The following MARCHF1 variants were observed in gnomAD, a reference collection of about 807,000 sequenced individuals.
MARCHF1 encodes the protein E3 ubiquitin-protein ligase MARCHF1.
In MARCHF1, 40 loss-of-function variants were observed where a neutral mutation model predicts 54.2. The observed-to-expected ratio is 0.74, with a 90% CI of 0.57 to 0.96. MARCHF1 has a LOEUF of 0.96. Ranked by LOEUF, MARCHF1 falls within the 40% of genes least tolerant of loss-of-function variation. The pLI is 0.00. For missense variants in MARCHF1, 586 were observed against 656.5 expected, an observed-to-expected ratio of 0.89 and a Z score of 1.17; for synonymous variants, 236 against 236.3, an observed-to-expected ratio of 1.00 and a Z score of 0.01.
At chr4:163,543,381 A>G (rs1293888111) in intron 9 of MARCHF1, among the ~76,000 whole-genome samples, 1 of 151,516 alleles carries the variant, frequency 6.6e-6, no homozygotes, top group Non-Finnish European at 1.5e-5. Context: ...GAGGAAGGAG[A>G]TCAGAGTGAA....
rs189710547 is a variant in MARCHF1, at chr4:164,106,983, C to T, written c.-248+4605G>A. 2.5e-3 allele frequency among the ~76,000 whole-genome samples: 374 copies of T among 152,172 alleles called. 2 individuals carry two copies. Among genetic ancestry groups the T allele is most frequent in the African/African-American group, 8.1e-3 (335 of 41,538 alleles). The stretch of plus-strand genomic sequence containing the variant: ...AGATCTTTGCTATAGTTTACAAAGT[C>T]GTATTGAGGATACAGGCTATTATGT... On this transcript the variant is annotated intron_variant, in intron 2 of 9. Coordinates refer to ENST00000514618, the MANE Select transcript of MARCHF1 (RefSeq NM_001394959.1).
At chr4:164,041,868 C>A (rs1352060624) in intron 2 of MARCHF1, among the ~76,000 whole-genome samples, 1 of 152,076 alleles carries the variant, frequency 6.6e-6, no homozygotes, top group Non-Finnish European at 1.5e-5. Context: ...TTGTAGCTAT[C>A]ATAGAACACT....
chr4:163,549,680 A>AT (rs34896630), intron 8 of MARCHF1, among the ~76,000 whole-genome samples: 1,977 of 144,628 alleles, frequency 0.014, 38 homozygotes, highest in South Asian at 0.043. Flanking sequence ...CTTGCTTTTG[A>AT]TTTTTTTTTT....
intron 4 of MARCHF1, among the ~76,000 whole-genome samples, chr4:163,739,418 T>G (rs1019674875): frequency 1.6e-4 from 25 of 152,336 alleles, no homozygotes; most frequent in African/African-American, 5.0e-4. Context: ...AAATTCAGTA[T>G]GATGAAAACG....
chr4:164,085,662 A>G (rs1393210102), intron 2 of MARCHF1, among the ~76,000 whole-genome samples: 1 of 151,848 alleles, frequency 6.6e-6, no homozygotes, highest in East Asian at 1.9e-4. Context: ...GTTTTTGTGC[A>G]TTATAAATAA....
Position 163,762,506 on chromosome 4 carries a change from C to T in MARCHF1, c.112-61643G>A, listed in dbSNP as rs533119030. The stretch of plus-strand genomic sequence containing the variant: ...TTTCCTTCAAAATGTCCTGATTGTC[C>T]AAATTCCTTTGTGTACACAAAGAGT... On this transcript the variant is annotated intron_variant, in intron 4 of 9. Transcript: ENST00000514618. 2.4e-3 allele frequency among the ~76,000 whole-genome samples: 362 copies of T among 152,050 alleles called. 4 individuals are homozygous for T. The highest frequency in any genetic ancestry group is 8.3e-3 in the African/African-American group (344 of 41,488).
chr4:163,586,638 C>G (rs544872422), intron 7 of MARCHF1, among the ~76,000 whole-genome samples: 37 of 152,306 alleles, frequency 2.4e-4, no homozygotes, highest in Admixed American at 5.9e-4. Flanking sequence ...ATTTTAATAG[C>G]ACCACTATCG....
chr4:163,928,381 G>C (rs190905505), intron 3 of MARCHF1, among the ~76,000 whole-genome samples: 137 of 152,068 alleles, frequency 9.0e-4, no homozygotes, highest in South Asian at 1.2e-3. Context: ...CAAGAGGACA[G>C]GCAATCAGAC....
At chr4:163,752,900 A>G (rs757976945) in intron 4 of MARCHF1, among the ~76,000 whole-genome samples, 9 of 152,170 alleles carry the variant, frequency 5.9e-5, no homozygotes, top group Non-Finnish European at 1.3e-4. Flanking sequence ...CTGCTAGGGA[A>G]AATTTAAATT....
At chr4:164,179,736 A>G (rs1366955630) in intron 1 of MARCHF1, among the ~76,000 whole-genome samples, 1 of 151,962 alleles carries the variant, frequency 6.6e-6, no homozygotes, top group Non-Finnish European at 1.5e-5. Context: ...TCTCATTTGT[A>G]GTTAATTACT....
At chr4:163,657,245 A>G (rs1447403081) in intron 5 of MARCHF1, among the ~76,000 whole-genome samples, 3 of 152,032 alleles carry the variant, frequency 2.0e-5, no homozygotes, top group Non-Finnish European at 4.4e-5. Context: ...AAAAGTCACA[A>G]CCATTACTAT....
intron 4 of MARCHF1, among the ~76,000 whole-genome samples, chr4:163,820,489 T>C (rs1305998912): frequency 6.6e-6 from 1 of 152,074 alleles, no homozygotes; most frequent in African/African-American, 2.4e-5. Flanking sequence ...GATTCAATGA[T>C]GTACTCATAC....
At chr4:163,632,223 T>C (rs940450898) in intron 5 of MARCHF1, among the ~76,000 whole-genome samples, 1 of 152,140 alleles carries the variant, frequency 6.6e-6, no homozygotes, top group Non-Finnish European at 1.5e-5. Flanking sequence ...AAATCTCATG[T>C]TGAAATGTAG....
At chr4:163,965,006 G>T (rs1752415008) in intron 3 of MARCHF1, among the ~76,000 whole-genome samples, 1 of 151,894 alleles carries the variant, frequency 6.6e-6, no homozygotes, top group African/African-American at 2.4e-5. Flanking sequence ...CTATGACATT[G>T]CATGGCAAGG....
chr4:164,006,583 A>G (rs1271708139), intron 2 of MARCHF1, among the ~76,000 whole-genome samples: 1 of 152,176 alleles, frequency 6.6e-6, no homozygotes, highest in Non-Finnish European at 1.5e-5. Context: ...ACAAAAAACT[A>G]TCCAAAAATT....
At chr4:163,843,882 C>T (rs534896724) in intron 4 of MARCHF1, among the ~76,000 whole-genome samples, 186 of 151,710 alleles carry the variant, frequency 1.2e-3, no homozygotes, top group African/African-American at 4.3e-3. Context: ...TGATAAGTGA[C>T]GATGAGTATT....
chr4:164,218,929 T>C (rs1232052448), intron 1 of MARCHF1, among the ~76,000 whole-genome samples: 2 of 151,922 alleles, frequency 1.3e-5, no homozygotes, highest in Non-Finnish European at 1.5e-5. Context: ...TGAACCATTT[T>C]ATATAGCAAT....
At chr4:163,612,215 C>T (rs1432903191) in intron 7 of MARCHF1, 56 bp downstream of exon 7, 2 of 1,390,240 alleles carry the variant, frequency 1.4e-6, no homozygotes, top group Non-Finnish European at 1.9e-6. Flanking sequence ...GCACCTAACT[C>T]ACTGCAAAAA....
chr4:164,197,816 C>A, intron 1 of MARCHF1: 1 of 1,549,182 alleles, frequency 6.5e-7, no homozygotes, highest in Non-Finnish European at 8.7e-7. Context: ...TCAACCAGCT[C>A]CGCTCGGTTC....
Sources: allele counts gnomAD v4.1 joint callset (sites outside exome capture counted in the v4.1 genomes callset), GRCh38; gene constraint gnomAD v4.1.1; transcripts MANE v1.5; gene names NCBI Gene and HGNC (gene_info 2026-07-23, HGNC 2026-07-21).